BRINP3: variants seen among roughly 807,000 people sequenced by gnomAD.
BRINP3 encodes the protein BMP/retinoic acid inducible neural specific 3.
BRINP3 carries 19 observed loss-of-function variants against 71.0 expected under a neutral mutation model. The observed-to-expected ratio is 0.27, with a 90% CI of 0.19 to 0.39. The LOEUF (loss-of-function observed/expected upper bound fraction) is 0.39, where lower values mean the gene tolerates loss of function less well. BRINP3 is among the 10% of genes least tolerant of loss of function. The pLI is 1.00. For missense variants in BRINP3, 959 were observed against 940.8 expected (o/e 1.02, Z -0.25); for synonymous variants, 380 against 337.7 (o/e 1.13, Z -1.37).
At chr1:190,325,501 T>C (rs181987729) in intron 2 of BRINP3, among the ~76,000 whole-genome samples, 2 of 152,168 alleles carry the variant, frequency 1.3e-5, no homozygotes, top group African/African-American at 2.4e-5. Flanking sequence ...CGGAAGTAGA[T>C]ATTGAAATTA....
intron 5 of BRINP3, among the ~76,000 whole-genome samples, chr1:190,230,868 A>G (rs1161148322): frequency 1.3e-5 from 2 of 151,634 alleles, no homozygotes; most frequent in East Asian, 3.9e-4. Flanking sequence ...AATATAATAT[A>G]TTTGATTAAT....
At chr1:190,200,583 T>G (rs1482092233) in intron 6 of BRINP3, among the ~76,000 whole-genome samples, 1 of 151,954 alleles carries the variant, frequency 6.6e-6, no homozygotes, top group East Asian at 1.9e-4. Flanking sequence ...ATACACATTT[T>G]GTTCAATTAG....
chr1:190,307,584 A>T (rs550407261), intron 2 of BRINP3, among the ~76,000 whole-genome samples: 1 of 152,066 alleles, frequency 6.6e-6, no homozygotes, highest in East Asian at 1.9e-4. Flanking sequence ...AAGCAAGGCC[A>T]TATTTTCACT....
chr1:190,326,998 A>G (rs1325631420), intron 2 of BRINP3, among the ~76,000 whole-genome samples: 2 of 146,138 alleles, frequency 1.4e-5, no homozygotes, highest in Admixed American at 1.4e-4. Flanking sequence ...TGTAAAACAG[A>G]CAGTGTCAAG....
At chr1:190,435,927 A>T (rs1422497560) in intron 2 of BRINP3, among the ~76,000 whole-genome samples, 1 of 151,972 alleles carries the variant, frequency 6.6e-6, no homozygotes, top group Non-Finnish European at 1.5e-5. Context: ...CAACCCTGTG[A>T]ATTTTAGATA....
chr1:190,443,777 C>A (rs185592470), intron 2 of BRINP3, among the ~76,000 whole-genome samples: 2 of 152,306 alleles, frequency 1.3e-5, no homozygotes, highest in Admixed American at 1.3e-4. Context: ...TAGTTTGGGG[C>A]TTGGAAACCA....
In BRINP3 at chr1:190,206,036, T is replaced by C. The variant is rs149905712; in HGVS notation, c.961+20046A>G. Among the ~76,000 whole-genome samples the C allele has an allele frequency of 1.1e-3, 169 of 152,116 alleles. 4 individuals are homozygous for C. The East Asian group carries it at 0.028, about 25-fold the overall frequency. The stretch of plus-strand genomic sequence containing the variant: ...CAGGCTTAAAAAAGAAATCCTACTA[T>C]ATTGCTGCTTAGGTGGAAATCTTAC... On this transcript the variant is annotated intron_variant, in intron 6 of 7. Transcript: ENST00000367462.
chr1:190,334,429 A>T (rs947865861), intron 2 of BRINP3, among the ~76,000 whole-genome samples: 13 of 151,924 alleles, frequency 8.6e-5, no homozygotes, highest in Middle Eastern at 3.4e-3. Flanking sequence ...ACTGAAAAAG[A>T]TGCAATTTTT....
chr1:190,292,451 C>T (rs188788456), intron 2 of BRINP3, among the ~76,000 whole-genome samples: 6 of 152,048 alleles, frequency 3.9e-5, no homozygotes, highest in East Asian at 1.9e-4. Context: ...CCCAGGAGTT[C>T]GAGAGAAGCA....
rs143217236 is a variant in BRINP3, at chr1:190,442,653, CGT to C, written c.236+12000_236+12001del. ...TTAAATAAAACAAGTAAGGTACTTACGTGTGTGTGTGTGATTACGTGTGTGTG... is the reference window on the plus strand; with the variant it reads ...TTAAATAAAACAAGTAAGGTACTTACGTGTGTGTGTGATTACGTGTGTGTG... On this transcript the variant is annotated intron_variant, in intron 2 of 7. Transcript: ENST00000367462. Among the ~76,000 whole-genome samples the C allele has an allele frequency of 1.3e-4, 20 of 151,468 alleles. No individual in the cohort carries two copies. In the East Asian group the frequency reaches 2.1e-3, roughly 16 times the overall value.
chr1:190,262,867 T>G (rs1661308167), intron 4 of BRINP3, among the ~76,000 whole-genome samples: 2 of 152,142 alleles, frequency 1.3e-5, no homozygotes, highest in African/African-American at 4.8e-5. Flanking sequence ...TATATAACAG[T>G]ATGCCTCATT....
intron 4 of BRINP3, among the ~76,000 whole-genome samples, chr1:190,263,587 CTTTTT>C (rs34792964): frequency 3.1e-5 from 4 of 129,454 alleles, no homozygotes; most frequent in African/African-American, 1.1e-4. Context: ...GAAGTAGTAA[CTTTTT>C]TTTTTTTTTT....
At chr1:190,411,885 G>C (rs549829528) in intron 2 of BRINP3, among the ~76,000 whole-genome samples, 1 of 152,162 alleles carries the variant, frequency 6.6e-6, no homozygotes, top group Non-Finnish European at 1.5e-5. Context: ...GGAACAGCAA[G>C]TCAATTTGTT....
At chr1:190,274,979 C>G (rs1231220105) in intron 3 of BRINP3, among the ~76,000 whole-genome samples, 4 of 151,598 alleles carry the variant, frequency 2.6e-5, no homozygotes, top group Non-Finnish European at 4.4e-5. Context: ...CCTTATATTA[C>G]TTTGACAAAG....
chr1:190,203,553 G>A (rs963115398), intron 6 of BRINP3, among the ~76,000 whole-genome samples: 7 of 148,406 alleles, frequency 4.7e-5, no homozygotes, highest in African/African-American at 1.7e-4. Context: ...CTCCTGGGAA[G>A]GTTTTTCACA....
chr1:190,230,565 A>T (rs941671917), intron 5 of BRINP3, among the ~76,000 whole-genome samples: 3 of 151,940 alleles, frequency 2.0e-5, no homozygotes, highest in Non-Finnish European at 4.4e-5. Flanking sequence ...ATATGTACAA[A>T]TGAAATATAA....
chr1:190,101,069 C>T (rs1651659147), intron 7 of BRINP3, among the ~76,000 whole-genome samples: 1 of 152,132 alleles, frequency 6.6e-6, no homozygotes, highest in Non-Finnish European at 1.5e-5. Context: ...CAAAAAGGCC[C>T]TCACCAGATG....
At chr1:190,325,152 A>T (rs1345406897) in intron 2 of BRINP3, among the ~76,000 whole-genome samples, 1 of 151,988 alleles carries the variant, frequency 6.6e-6, no homozygotes, top group Non-Finnish European at 1.5e-5. Flanking sequence ...TGCTCATATA[A>T]AATGCTGAAG....
Position 190,329,667 on chromosome 1 carries a change from T to C in BRINP3, c.237-47917A>G, listed in dbSNP as rs369765376. 2.0e-4 allele frequency among the ~76,000 whole-genome samples: 30 copies of C among 152,012 alleles called. No homozygotes were observed. The East Asian group carries it at 5.4e-3, about 27-fold the overall frequency. ...AATCTATTCCAAAAGTCATATGAGATTAAAAAATGAGCCTGAATAGCCAAA... is the reference window on the plus strand; with the variant it reads ...AATCTATTCCAAAAGTCATATGAGACTAAAAAATGAGCCTGAATAGCCAAA... On this transcript the variant is annotated intron_variant, in intron 2 of 7. Transcript: ENST00000367462.
Sources: allele counts gnomAD v4.1 joint callset (sites outside exome capture counted in the v4.1 genomes callset), GRCh38; gene constraint gnomAD v4.1.1; transcripts MANE v1.5; gene names NCBI Gene and HGNC (gene_info 2026-07-23, HGNC 2026-07-21).